Variants in ERAP1 observed in about 807,000 individuals in gnomAD.
The protein encoded by ERAP1 is adipocyte-derived leucine aminopeptidase.
ERAP1 carries 86 observed loss-of-function variants against 103.7 expected under a neutral mutation model. That is an observed-to-expected ratio of 0.83 (90% CI 0.70 to 0.99). ERAP1 has a LOEUF of 0.99. ERAP1 is among the 50% of genes least tolerant of loss of function. The probability of loss-of-function intolerance (pLI) is 0.00; values close to 1 mark genes in which losing one functional copy is unlikely to be tolerated. For synonymous variants in ERAP1, 398 were observed against 402.4 expected, an observed-to-expected ratio of 0.99 and a Z score of 0.13; for missense variants, 1,009 against 1,128.4, an observed-to-expected ratio of 0.89 and a Z score of 1.52.
the ERAP1 span, among the ~76,000 whole-genome samples, chr5:96,932,447 C>T: frequency 6.6e-6 from 1 of 152,224 alleles, no homozygotes; most frequent in East Asian, 1.9e-4. Context: ...GAATAGACTT[C>T]TAATAGATGA....
chr5:96,808,315 G>C (rs1339176862), upstream of ERAP1: 1 of 626,288 alleles, frequency 1.6e-6, no homozygotes, highest in East Asian at 1.5e-4. Context: ...AGCGTTGCGA[G>C]GGTTAGGGGC....
the ERAP1 span, among the ~76,000 whole-genome samples, chr5:96,920,241 G>A: frequency 1.3e-5 from 2 of 151,554 alleles, no homozygotes. Flanking sequence ...GGAGGTGAAG[G>A]TTGCAGTGAG....
chr5:96,807,232 G>A (rs28049), intron 1 of ERAP1, among the ~76,000 whole-genome samples: 38,544 of 152,116 alleles, frequency 0.25, 5,023 homozygotes, highest in African/African-American at 0.31. Flanking sequence ...AACCCAGCCA[G>A]AGCCAGAGCG....
the ERAP1 span, among the ~76,000 whole-genome samples, chr5:96,872,550 A>G: frequency 6.6e-6 from 1 of 152,170 alleles, no homozygotes; most frequent in South Asian, 2.1e-4. Context: ...AATAAGCTGT[A>G]ATTGTGCCAC....
intron 4 of ERAP1, 114 bp downstream of exon 4, chr5:96,797,061 T>G: frequency 3.2e-6 from 4 of 1,252,872 alleles, no homozygotes; most frequent in Admixed American, 1.9e-5. Flanking sequence ...ACTGTTGGGT[T>G]TATGTTGGGT....
At chr5:96,912,811 A>G in the ERAP1 span, 1 of 1,580,220 alleles carries the variant, frequency 6.3e-7, no homozygotes, top group South Asian at 1.2e-5. Context: ...AAGTTCAATA[A>G]TTTAACTAAA....
At chr5:96,773,191 T>A (rs537339558), downstream of ERAP1, 3 of 153,780 alleles carry the variant, frequency 2.0e-5, no homozygotes, top group Non-Finnish European at 4.4e-5. Context: ...GGGCTGCTAA[T>A]AATAAATTAA....
intron 3 of ERAP1, among the ~76,000 whole-genome samples, chr5:96,799,582 C>T (rs544453519): frequency 6.6e-6 from 1 of 152,318 alleles, no homozygotes; most frequent in African/African-American, 2.4e-5. Context: ...CTCCACTAAT[C>T]CTGTTTGGTC....
At chr5:96,838,058 G>C in the ERAP1 span, among the ~76,000 whole-genome samples, 1 of 152,034 alleles carries the variant, frequency 6.6e-6, no homozygotes, top group Non-Finnish European at 1.5e-5. Flanking sequence ...AGGGATGGGG[G>C]GTGGGGTGGG....
the ERAP1 span, among the ~76,000 whole-genome samples, chr5:96,911,176 C>T: frequency 2.0e-5 from 3 of 151,960 alleles, no homozygotes; most frequent in Non-Finnish European, 2.9e-5. Context: ...GATTTATTTC[C>T]GCTTAAAAAA....
rs1377259959 is a variant in ERAP1 at position 96,783,987 on chromosome 5, C to T, written c.2037G>A (p.Glu679=). 2 of 1,613,920 alleles carry T rather than the reference C, an allele frequency of 1.2e-6. No homozygotes were observed. Among genetic ancestry groups the T allele is most frequent in the Non-Finnish European group, 1.7e-6 (2 of 1,179,922 alleles). The change falls in exon 14 of 19, where the codon GAG becomes GAA. Residue 679 remains glutamate (E), a synonymous_variant. Coordinates refer to ENST00000443439, the MANE Select transcript of ERAP1 (RefSeq NM_001040458.3). ...CCATTAACTTATACATAGGAATCAG[C>T]TCATTCAAACCTTGAAACACGGGCA... The part of the protein sequence containing the change: ...EIMPVFQGLN[E]LIPMYKLMEK...
the ERAP1 span, among the ~76,000 whole-genome samples, chr5:96,821,575 C>T: frequency 8.0e-4 from 122 of 152,262 alleles, 1 homozygote; most frequent in African/African-American, 2.8e-3. Context: ...TGACCAGGTA[C>T]TGTGGTCATG....
At chr5:96,896,339 G>T in the ERAP1 span, 3 of 1,562,916 alleles carry the variant, frequency 1.9e-6, no homozygotes, top group African/African-American at 1.4e-5. Flanking sequence ...GTGTCAAATA[G>T]AAACTAAAAC....
chr5:96,837,135 C>T, the ERAP1 span, among the ~76,000 whole-genome samples: 1 of 151,882 alleles, frequency 6.6e-6, no homozygotes, highest in African/African-American at 2.4e-5. Context: ...GATATGTAGG[C>T]ATCAATTCCT....
chr5:96,785,510 T>A, intron 13 of ERAP1: 1 of 426,546 alleles, frequency 2.3e-6, no homozygotes, highest in Non-Finnish European at 4.4e-6. Flanking sequence ...TTCGCCAGGA[T>A]GTTGATCTCC....
chr5:96,908,823 A>T, the ERAP1 span: 1 of 833,942 alleles, frequency 1.2e-6, no homozygotes, highest in Non-Finnish European at 1.8e-6. Context: ...TCAGTGGCAG[A>T]GCTAAGATTT....
the ERAP1 span, among the ~76,000 whole-genome samples, chr5:96,833,292 A>AT: frequency 6.6e-6 from 1 of 152,240 alleles, no homozygotes; most frequent in African/African-American, 2.4e-5. Flanking sequence ...TTTGTGTTCC[A>AT]TTATGCTTCT....
the ERAP1 span, among the ~76,000 whole-genome samples, chr5:96,868,177 C>T: frequency 6.6e-6 from 1 of 152,164 alleles, no homozygotes; most frequent in Non-Finnish European, 1.5e-5. Flanking sequence ...ACAATCAGTT[C>T]TCTCTTAAAA....
the ERAP1 span, among the ~76,000 whole-genome samples, chr5:96,840,063 C>T: frequency 3.9e-5 from 6 of 152,298 alleles, no homozygotes; most frequent in East Asian, 1.2e-3. Flanking sequence ...TATACAATTC[C>T]TTGCATATAA....
Sources: gnomAD v4.1 joint callset for allele counts (sites outside exome capture counted in the v4.1 genomes callset) on GRCh38, gnomAD v4.1.1 for gene constraint, MANE v1.5 for transcripts, NCBI Gene and HGNC (gene_info 2026-07-23, HGNC 2026-07-21) for gene names.